SPEG: variants seen among roughly 807,000 people sequenced by gnomAD.
The protein encoded by SPEG is striated muscle enriched protein kinase, also known as striated muscle preferentially expressed protein kinase.
A neutral mutation model predicts 300.4 loss-of-function variants in SPEG; 114 were observed. That is an observed-to-expected ratio of 0.38 (90% confidence interval 0.33 to 0.44). SPEG has a LOEUF of 0.44. Among genes scored for constraint, SPEG ranks in the 20% least tolerant of loss-of-function variants. The pLI is 1.00. For synonymous variants in SPEG, 1,964 were observed against 2,018.9 expected, an observed-to-expected ratio of 0.97 and a Z score of 0.73; for missense variants, 4,201 against 4,586.2, an observed-to-expected ratio of 0.92 and a Z score of 2.43.
intron 13 of SPEG, among the ~76,000 whole-genome samples, chr2:219,470,609 A>G (rs1335849637): frequency 6.6e-6 from 1 of 152,214 alleles, no homozygotes; most frequent in Non-Finnish European, 1.5e-5. Flanking sequence ...ATGCAGAGAT[A>G]ACTGCAAAGA....
chr2:219,455,206 T>C (rs1690081441), intron 6 of SPEG, among the ~76,000 whole-genome samples: 1 of 152,206 alleles, frequency 6.6e-6, no homozygotes, highest in South Asian at 2.1e-4. Context: ...AATCCAGCCT[T>C]ATGAGGTAGG....
At position 219,481,541 on chromosome 2, in the gene SPEG, A is replaced by C; in HGVS notation, c.5522+85A>C. The C allele has an allele frequency of 6.2e-7, 1 of 1,605,638 alleles. No homozygotes were observed. Among genetic ancestry groups the C allele is most frequent in the East Asian group, 2.2e-5 (1 of 44,756 alleles). ...TACTCCCAAACTCCTGCCCCTCGAC[A>C]TGCAAGCCCCCAACTCCTTAGGAGC... On this transcript the variant is annotated intron_variant, in intron 27 of 40. Transcript: ENST00000312358. This position sits in a 1 kb window ranked among gnomAD's most constrained non-coding sequence, Gnocchi z 5.4.
intron 13 of SPEG, among the ~76,000 whole-genome samples, chr2:219,471,506 T>C (rs770542585): frequency 3.0e-4 from 45 of 151,956 alleles, no homozygotes; most frequent in Non-Finnish European, 5.4e-4. Flanking sequence ...AGTTTTGACA[T>C]AGAGGTTGTG....
chr2:219,474,463 T>C (rs1692166946), intron 18 of SPEG: 1 of 152,556 alleles, frequency 6.6e-6, no homozygotes. Flanking sequence ...CCTCATTTAA[T>C]GTTTACATCA....
chr2:219,484,359 G>T lies in SPEG; in HGVS notation c.6896G>T (p.Gly2299Val), dbSNP rs773590986. The change falls in exon 30 of 41, where the codon GGT becomes GTT. Residue 2299 changes from glycine to valine, a missense_variant. This residue lies in a region of SPEG where 1,578 missense variants were observed against 1,506.0 expected (regional missense o/e 1.05). Coordinates refer to ENST00000312358, the MANE Select transcript of SPEG (RefSeq NM_005876.5). Reference protein sequence around the residue: ...APEKRVPSAGGPPVLAEKARV... With the variant: ...APEKRVPSAGVPPVLAEKARV... ...GAGAAGCGCGTGCCCTCAGCCGGGG[G>T]TCCCCCGGTGCTAGCCGAGAAAGCC... 3 of 1,606,802 alleles carry T rather than the reference G, an allele frequency of 1.9e-6. No homozygotes were observed. The highest frequency in any genetic ancestry group is 2.5e-6 in the Non-Finnish European group (3 of 1,179,216).
rs1179842604 is a variant in SPEG at position 219,439,748 on chromosome 2, C to T, written c.388+4383C>T. ...GAGCAGGAACACAGAATCCTGCCGG[C>T]CCCTCCTGGGCCCAGCTGTCCCGTC... On this transcript the variant is annotated intron_variant, in intron 1 of 40. Coordinates refer to ENST00000312358, the MANE Select transcript of SPEG (RefSeq NM_005876.5). The surrounding 1 kb of genome is among the most constrained non-coding windows in gnomAD (Gnocchi z 4.5). Among the ~76,000 whole-genome samples the T allele has an allele frequency of 2.0e-5, 3 of 152,172 alleles. No homozygotes were observed. Among genetic ancestry groups the T allele is most frequent in the Non-Finnish European group, 4.4e-5 (3 of 68,028 alleles).
rs1413558691 is a variant in SPEG at position 219,459,184 on chromosome 2, T to G, written c.2441-2698T>G. Among the ~76,000 whole-genome samples the G allele has an allele frequency of 1.3e-5, 2 of 152,226 alleles. No homozygotes were observed. Among genetic ancestry groups the G allele is most frequent in the Non-Finnish European group, 2.9e-5 (2 of 68,032 alleles). ...GGGAGCCAGTGTGAAGGGGCGGTAC[T>G]TCCGTGGTGGGTTGTTCGGGGCCAT... is the stretch of plus-strand genomic sequence containing the variant. On this transcript the variant is annotated intron_variant, in intron 6 of 40. Coordinates refer to ENST00000312358, the MANE Select transcript of SPEG (RefSeq NM_005876.5). The surrounding 1 kb of genome is among the most constrained non-coding windows in gnomAD (Gnocchi z 4.9).
At chr2:219,442,690 C>T (rs1327727166) in intron 1 of SPEG, among the ~76,000 whole-genome samples, 1 of 149,380 alleles carries the variant, frequency 6.7e-6, no homozygotes, top group Non-Finnish European at 1.5e-5. Flanking sequence ...CTCCATCTCC[C>T]AGTCACTCAA....
At chr2:219,492,017 G>A (rs1694020468) in intron 39 of SPEG, 94 bp from the exon 40 acceptor site, 9 of 1,443,372 alleles carry the variant, frequency 6.2e-6, no homozygotes, top group Non-Finnish European at 8.6e-6. Flanking sequence ...CAGTAGCATG[G>A]CCCTGAGCAC....
At chr2:219,472,737 A>G (rs2125490456) in intron 15 of SPEG, among the ~76,000 whole-genome samples, 153 bp from the exon 16 acceptor site, 1 of 152,266 alleles carries the variant, frequency 6.6e-6, no homozygotes, top group African/African-American at 2.4e-5. Flanking sequence ...TGGCTGGGCA[A>G]GAGCAGATGG....
chr2:219,462,142 A>C, intron 7 of SPEG, 85 bp downstream of exon 7: 6 of 1,245,858 alleles, frequency 4.8e-6, no homozygotes, highest in Non-Finnish European at 6.7e-6. Flanking sequence ...ATGCCTAGGC[A>C]ACATCAAGAC....
chr2:219,438,168 G>C (rs748770188), intron 1 of SPEG, among the ~76,000 whole-genome samples: 1 of 152,086 alleles, frequency 6.6e-6, no homozygotes, highest in Non-Finnish European at 1.5e-5. Context: ...AGAAATGAGG[G>C]AAGAATCGGA....
Position 219,458,483 on chromosome 2 carries a change from C to T in SPEG, c.2441-3399C>T, listed in dbSNP as rs1408820934. Among the ~76,000 whole-genome samples the T allele has an allele frequency of 6.6e-6, 1 of 152,082 alleles. No individual in the cohort carries two copies. Among genetic ancestry groups the T allele is most frequent in the Non-Finnish European group, 1.5e-5 (1 of 68,032 alleles). ...CCCCGACCTACTGAATCGGAAATTC[C>T]GTGGGTGGGGCCCAGCACTCTATGG... On this transcript the variant is annotated intron_variant, in intron 6 of 40. Coordinates refer to ENST00000312358, the MANE Select transcript of SPEG (RefSeq NM_005876.5). This position sits in a 1 kb window ranked among gnomAD's most constrained non-coding sequence, Gnocchi z 4.2.
rs368692737 is a variant in SPEG at position 219,492,623 on chromosome 2, C to T, written c.9641C>T (p.Ala3214Val). 1.2e-6 allele frequency: 2 copies of T among 1,610,808 alleles called. No individual in the cohort carries two copies. Among genetic ancestry groups the T allele is most frequent in the East Asian group, 2.2e-5 (1 of 44,884 alleles). Residue 3214 changes from alanine (A) to valine (V), a missense_variant, in exon 41 of 41, where the codon GCC (alanine) becomes GTC (valine). Ala to Val is a moderately conservative substitution (Grantham distance 64, BLOSUM62 0). This residue lies in a region of SPEG where 318 missense variants were observed against 429.5 expected (regional missense o/e 0.74). Coordinates refer to ENST00000312358, the MANE Select transcript of SPEG (RefSeq NM_005876.5). Reference protein sequence around the residue: ...WSRPSLQDCLAHPWLQDAYLM... With the variant: ...WSRPSLQDCLVHPWLQDAYLM... ...CGGCCCTCCCTGCAGGACTGCCTGG[C>T]CCACCCATGGTTGCAGGACGCCTAC... is the stretch of plus-strand genomic sequence containing the variant.
rs545479583 is a variant in SPEG at position 219,443,113 on chromosome 2, C to T, written c.389-1540C>T. On this transcript the variant is annotated intron_variant, in intron 1 of 40. Coordinates refer to ENST00000312358, the MANE Select transcript of SPEG (RefSeq NM_005876.5). This position sits in a 1 kb window ranked among gnomAD's most constrained non-coding sequence, Gnocchi z 4.6. ...TTCTGGCTTTTCTCTTTCAGAAAAC[C>T]GGCCATTCCCGCCGGGCCTTTGGCC... 6 of 1,612,412 alleles carry T rather than the reference C, an allele frequency of 3.7e-6. No individual in the cohort carries two copies. In the Admixed American group the frequency reaches 5.0e-5, roughly 13 times the overall value.
chr2:219,450,811 A>G, intron 4 of SPEG: 1 of 202,416 alleles, frequency 4.9e-6, no homozygotes, highest in East Asian at 1.1e-4. Flanking sequence ...TACGCCATAC[A>G]TGATGGCTGA....
At chr2:219,453,360 C>A (rs1366106814) in intron 6 of SPEG, among the ~76,000 whole-genome samples, 2 of 152,234 alleles carry the variant, frequency 1.3e-5, no homozygotes, top group African/African-American at 4.8e-5. Context: ...ACCGTCCTCA[C>A]GGATGAAAGC....
intron 6 of SPEG, among the ~76,000 whole-genome samples, chr2:219,454,905 C>T (rs890232625): frequency 6.6e-6 from 1 of 152,130 alleles, no homozygotes; most frequent in Non-Finnish European, 1.5e-5. Context: ...ACCAGCCTGG[C>T]CAACATGGCA....
chr2:219,471,788 C>G (rs908418273), intron 13 of SPEG, 80 bp from the exon 14 acceptor site: 2 of 1,566,530 alleles, frequency 1.3e-6, no homozygotes, highest in Non-Finnish European at 1.7e-6. Context: ...GGGTGAGGGA[C>G]CAGGCCCGGG....
Sources: gnomAD v4.1 joint callset for allele counts (sites outside exome capture counted in the v4.1 genomes callset) on GRCh38, gnomAD v4.1.1 for gene constraint, gnomAD v4.1.1 regional missense constraint, Gnocchi (gnomAD v3.1) non-coding constraint, MANE v1.5 for transcripts, NCBI Gene and HGNC (gene_info 2026-07-23, HGNC 2026-07-21) for gene names.